The following ARL3 variants were observed in gnomAD, a reference collection of about 807,000 sequenced individuals.
The protein encoded by ARL3 is ARF like GTPase 3.
In ARL3, 9 loss-of-function variants were observed where a neutral mutation model predicts 26.0. The ratio of observed to expected loss-of-function variants is 0.35; its 90% CI spans 0.21 to 0.60. The LOEUF is 0.60. ARL3 is among the 20% of genes least tolerant of loss of function. The pLI is 0.78. For synonymous variants in ARL3, 71 were observed against 78.4 expected (o/e 0.91, Z 0.50); for missense variants, 158 against 215.7 (o/e 0.73, Z 1.67).
chr10:102,695,415 G>T (rs1255484749), intron 3 of ARL3, among the ~76,000 whole-genome samples: 1 of 152,152 alleles, frequency 6.6e-6, no homozygotes, highest in Non-Finnish European at 1.5e-5. Flanking sequence ...AATTTCAATT[G>T]TTCACTGCTG....
chr10:102,686,918 C>T (rs2064190383), intron 4 of ARL3, among the ~76,000 whole-genome samples: 1 of 128,654 alleles, frequency 7.8e-6, no homozygotes, highest in Non-Finnish European at 1.5e-5. Context: ...CTCTGTTGCC[C>T]AGGCTGGAGT....
chr10:102,687,158 C>T (rs1214615709), intron 4 of ARL3, among the ~76,000 whole-genome samples: 4 of 151,538 alleles, frequency 2.6e-5, no homozygotes, highest in South Asian at 2.1e-4. Flanking sequence ...GGATTACAGG[C>T]GTGAGCCACC....
chr10:102,701,599 A>C (rs970769974), intron 2 of ARL3, among the ~76,000 whole-genome samples: 2 of 152,226 alleles, frequency 1.3e-5, no homozygotes, highest in South Asian at 4.1e-4. Flanking sequence ...GTATTTAAAA[A>C]TTCCACACTC....
intron 5 of ARL3, among the ~76,000 whole-genome samples, chr10:102,678,353 T>G (rs1403418195): frequency 6.6e-6 from 1 of 152,184 alleles, no homozygotes; most frequent in Non-Finnish European, 1.5e-5. Context: ...TAAGACCATT[T>G]TATGAAAAGG....
intron 1 of ARL3, among the ~76,000 whole-genome samples, chr10:102,710,767 A>G (rs2064334386): frequency 6.6e-6 from 1 of 152,228 alleles, no homozygotes; most frequent in Admixed American, 6.5e-5. Flanking sequence ...GGTGGGCAGA[A>G]GTGGTCTGAC....
chr10:102,714,262 C>A lies in ARL3; in HGVS notation c.3+11G>T. On this transcript the variant is annotated intron_variant, in intron 1 of 5. Coordinates refer to ENST00000260746, the MANE Select transcript of ARL3 (RefSeq NM_004311.4). The stretch of plus-strand genomic sequence containing the variant: ...GGCCGGCTCCAAGGGGGCCCAGGCC[C>A]CCACACTCACCATCCTCCCGCCGAG... The A allele has an allele frequency of 7.6e-7, 1 of 1,313,824 alleles. No homozygotes were observed. The highest frequency in any genetic ancestry group is 9.8e-7 in the Non-Finnish European group (1 of 1,022,774). 81.4% of individuals were successfully genotyped at this position (1,313,824 alleles called of 1,614,324 possible). A position where few individuals can be genotyped will look rare whatever the true frequency, so the allele number is the denominator to read the frequency against.
chr10:102,705,631 C>A, intron 1 of ARL3, 142 bp from the exon 2 acceptor site: 2 of 881,774 alleles, frequency 2.3e-6, no homozygotes, highest in Middle Eastern at 3.7e-4. Flanking sequence ...GCCACTTATT[C>A]CATTTGCTTC....
At chr10:102,712,059 A>G (rs535851398) in intron 1 of ARL3, among the ~76,000 whole-genome samples, 122 of 152,316 alleles carry the variant, frequency 8.0e-4, no homozygotes, top group African/African-American at 2.6e-3. Flanking sequence ...TATGTTAAAT[A>G]TAAGTGGTTA....
chr10:102,691,555 C>A (rs1360879774), intron 3 of ARL3, among the ~76,000 whole-genome samples: 2 of 152,132 alleles, frequency 1.3e-5, no homozygotes, highest in Non-Finnish European at 2.9e-5. Context: ...ATAATTTTCA[C>A]ATGTTGTGAA....
intron 1 of ARL3, among the ~76,000 whole-genome samples, chr10:102,710,807 C>T (rs750660088): frequency 3.9e-5 from 6 of 152,194 alleles, no homozygotes; most frequent in Non-Finnish European, 7.3e-5. Flanking sequence ...ACAAACTTTT[C>T]TACAGTCAAA....
Position 102,676,760 on chromosome 10 carries a change from C to T in ARL3, c.*134G>A. On this transcript the variant is annotated 3_prime_UTR_variant, in exon 6 of 6. Transcript: ENST00000260746. ...TGCTGGAATGGGGATTCTTTCTAAA[C>T]CGTGTTGTTCCCTCTCTTCAAACAG... 1.2e-6 allele frequency: 1 copy of T among 841,818 alleles called. No individual in the cohort carries two copies. The highest frequency in any genetic ancestry group is 1.6e-5 in the South Asian group (1 of 62,986). The allele number at this position is 841,818 out of a possible 1,614,324, so 52.1% of individuals were successfully genotyped here. A position where few individuals can be genotyped will look rare whatever the true frequency, so the allele number is the denominator to read the frequency against.
chr10:102,704,496 G>A (rs969917071), intron 2 of ARL3, among the ~76,000 whole-genome samples: 10 of 151,730 alleles, frequency 6.6e-5, no homozygotes, highest in Non-Finnish European at 1.0e-4. Context: ...AAAAATTAGC[G>A]GGCCATGGCG....
At chr10:102,701,465 C>T (rs1267080535) in intron 2 of ARL3, among the ~76,000 whole-genome samples, 3 of 152,206 alleles carry the variant, frequency 2.0e-5, no homozygotes, top group Admixed American at 2.0e-4. Flanking sequence ...GGGGATCCTG[C>T]TGACTCTCAC....
At chr10:102,698,112 T>C (rs1312295992) in intron 3 of ARL3, among the ~76,000 whole-genome samples, 1 of 152,140 alleles carries the variant, frequency 6.6e-6, no homozygotes, top group Non-Finnish European at 1.5e-5. Context: ...CTACAGGATA[T>C]GTTTATGTTG....
At chr10:102,688,131 A>G (rs150959325) in intron 4 of ARL3, among the ~76,000 whole-genome samples, 8 of 152,330 alleles carry the variant, frequency 5.3e-5, no homozygotes, top group Admixed American at 3.3e-4. Context: ...GGTCTAAACT[A>G]TATGTGATTT....
chr10:102,688,034 C>A (rs1590121551), intron 4 of ARL3, among the ~76,000 whole-genome samples: 1 of 152,158 alleles, frequency 6.6e-6, no homozygotes, highest in Non-Finnish European at 1.5e-5. Flanking sequence ...CATGCATGCA[C>A]ATGCTTCACA....
chr10:102,692,297 C>G (rs956784741), intron 3 of ARL3, among the ~76,000 whole-genome samples: 14 of 152,236 alleles, frequency 9.2e-5, no homozygotes, highest in Admixed American at 7.2e-4. Flanking sequence ...GTATTTCTTT[C>G]AAGATACCTT....
intron 3 of ARL3, 98 bp downstream of exon 3, chr10:102,699,272 TATG>T: frequency 1.3e-6 from 1 of 792,650 alleles, no homozygotes; most frequent in Non-Finnish European, 2.2e-6. Flanking sequence ...TGATTAATGT[TATG>T]GTGGTGGAAT....
chr10:102,704,800 C>T (rs555116060), intron 2 of ARL3, among the ~76,000 whole-genome samples: 242 of 152,032 alleles, frequency 1.6e-3, no homozygotes, highest in African/African-American at 5.3e-3. Flanking sequence ...CTGCTGAGGA[C>T]ATGTGCGGGT....
Sources: gnomAD v4.1 joint callset for allele counts (sites outside exome capture counted in the v4.1 genomes callset) on GRCh38, gnomAD v4.1.1 for gene constraint, MANE v1.5 for transcripts, NCBI Gene and HGNC (gene_info 2026-07-23, HGNC 2026-07-21) for gene names.